The following ZNF184 variants were observed in gnomAD, a reference collection of about 807,000 sequenced individuals.
The protein encoded by ZNF184 is zinc finger protein 184.
A neutral mutation model predicts 54.4 loss-of-function variants in ZNF184; 16 were observed. The observed-to-expected ratio is 0.29, with a 90% CI of 0.20 to 0.45. The LOEUF (loss-of-function observed/expected upper bound fraction) is 0.45, where lower values mean the gene tolerates loss of function less well. Ranked by LOEUF, ZNF184 falls within the 20% of genes least tolerant of loss-of-function variation. ZNF184 has a pLI of 1.00. For missense variants in ZNF184, 681 were observed against 888.2 expected (o/e 0.77, Z 2.97); for synonymous variants, 254 against 295.3 (o/e 0.86, Z 1.43).
At chr6:27,448,275 C>T (rs1762660092), downstream of ZNF184, among the ~76,000 whole-genome samples, 1 of 152,152 alleles carries the variant, frequency 6.6e-6, no homozygotes. Flanking sequence ...GCAAACCTTA[C>T]CTGCTGTACA....
At position 27,453,029 on chromosome 6, in the gene ZNF184, C is replaced by A. The variant is rs1442299251; in HGVS notation, c.530G>T (p.Gly177Val). Residue 177 changes from glycine (G) to valine (V), a missense_variant, in exon 6 of 6, where the codon GGC becomes GTC. Gly to Val is a moderately radical substitution (Grantham distance 109). Transcript: ENST00000683788. The surrounding 1 kb of genome is among the most constrained non-coding windows in gnomAD (Gnocchi z 4.7). ...TEKTIPSWEKGPVNNEFGKSV... is the reference protein window; with the variant it reads ...TEKTIPSWEKVPVNNEFGKSV... ...TTTCCCAAATTCATTATTTACAGGG[C>A]CTTTTTCCCAACTGGGTATTGTCTT... 6.2e-7 allele frequency: 1 copy of A among 1,613,954 alleles called. No individual in the cohort carries two copies. Among genetic ancestry groups the A allele is most frequent in the Non-Finnish European group, 8.5e-7 (1 of 1,180,000 alleles).
the ZNF184 span, among the ~76,000 whole-genome samples, chr6:27,437,485 C>G: frequency 6.6e-6 from 1 of 152,170 alleles, no homozygotes; most frequent in South Asian, 2.1e-4. Context: ...GCAGATTCTT[C>G]TACAGATCCT....
chr6:27,452,705 T>G lies in ZNF184; in HGVS notation c.854A>C (p.Lys285Thr). ...DKPYKCDQCG[K>T]GFIEGPSLTQ... ...AAGAGATGGACCCTCAATGAAGCCT[T>G]TTCCACACTGATCACATTTATATGG... The change falls in exon 6 of 6, where the codon AAA becomes ACA. Residue 285 changes from lysine (K) to threonine (T), a missense_variant. By Grantham distance (78) the Lys-to-Thr change is moderately conservative. Transcript: ENST00000683788. The surrounding 1 kb of genome is among the most constrained non-coding windows in gnomAD (Gnocchi z 5.5). 3 of 1,614,156 alleles carry G rather than the reference T, an allele frequency of 1.9e-6. No homozygotes were observed. Among genetic ancestry groups the G allele is most frequent in the Non-Finnish European group, 2.5e-6 (3 of 1,180,016 alleles).
the ZNF184 span, among the ~76,000 whole-genome samples, chr6:27,424,569 A>G: frequency 6.6e-6 from 1 of 152,300 alleles, no homozygotes; most frequent in South Asian, 2.1e-4. Context: ...AGGTTCTCCA[A>G]GGCCCCACCT....
At chr6:27,450,618 C>T (rs1480109583), downstream of ZNF184, 1 of 151,782 alleles carries the variant, frequency 6.6e-6, no homozygotes, top group Non-Finnish European at 1.5e-5. Context: ...TGTAATTTAA[C>T]ATAACAGCAC....
chr6:27,423,699 C>A, the ZNF184 span, among the ~76,000 whole-genome samples: 1 of 152,016 alleles, frequency 6.6e-6, no homozygotes, highest in African/African-American at 2.4e-5. Flanking sequence ...ATACTTCCAG[C>A]CCTTTTACAA....
the ZNF184 span, among the ~76,000 whole-genome samples, chr6:27,442,858 G>A: frequency 2.8e-4 from 19 of 67,934 alleles, no homozygotes; most frequent in East Asian, 3.2e-4. Context: ...AAGAAAGAAA[G>A]AAAGAAAGAA....
intron 3 of ZNF184, among the ~76,000 whole-genome samples, chr6:27,463,580 C>A (rs1215141508): frequency 6.6e-6 from 1 of 151,992 alleles, no homozygotes; most frequent in Non-Finnish European, 1.5e-5. Flanking sequence ...GAAATAACAG[C>A]TGATTATTTT....
At chr6:27,422,199 A>AGAAAGAAAGAAG in the ZNF184 span, among the ~76,000 whole-genome samples, 3 of 98,050 alleles carry the variant, frequency 3.1e-5, no homozygotes, top group Admixed American at 2.4e-4. Flanking sequence ...AAAGAAAGAA[A>AGAAAGAAAGAAG]GAAAGAAAGA....
intron 5 of ZNF184, among the ~76,000 whole-genome samples, chr6:27,454,095 G>C: frequency 6.6e-6 from 1 of 152,248 alleles, no homozygotes; most frequent in East Asian, 1.9e-4. Context: ...AACCAGGAAA[G>C]TACATAATCA....
At chr6:27,406,061 A>G in the ZNF184 span, 1 of 152,238 alleles carries the variant, frequency 6.6e-6, no homozygotes, top group African/African-American at 2.4e-5. Flanking sequence ...TTAACATAAC[A>G]TCATTAATAA....
chr6:27,433,584 T>C, the ZNF184 span, among the ~76,000 whole-genome samples: 2 of 152,254 alleles, frequency 1.3e-5, no homozygotes, highest in East Asian at 3.9e-4. Context: ...AGTGGAATCA[T>C]ACCATATTTG....
the ZNF184 span, among the ~76,000 whole-genome samples, chr6:27,431,710 A>C: frequency 6.6e-6 from 1 of 152,188 alleles, no homozygotes; most frequent in Non-Finnish European, 1.5e-5. Flanking sequence ...TTCATAGTAG[A>C]GCCAGAATTT....
the ZNF184 span, chr6:27,404,440 T>C: frequency 6.6e-6 from 1 of 152,164 alleles, no homozygotes; most frequent in Non-Finnish European, 1.5e-5. Context: ...ATGCGAAGAT[T>C]GTTCTTAGGA....
the ZNF184 span, among the ~76,000 whole-genome samples, chr6:27,443,105 A>G: frequency 2.0e-5 from 3 of 152,234 alleles, no homozygotes; most frequent in African/African-American, 7.2e-5. Flanking sequence ...AAAATACATT[A>G]CAGACTCTGA....
At chr6:27,422,148 A>AAGAAAGAAAGAAG in the ZNF184 span, among the ~76,000 whole-genome samples, 1 of 43,456 alleles carries the variant, frequency 2.3e-5, no homozygotes, top group African/African-American at 8.5e-5. Context: ...CTCAAAAAAA[A>AAGAAAGAAAGAAG]AAAGAAAGAA....
rs1216393965 is a variant in ZNF184, at chr6:27,453,270, A to G, written c.299-10T>C. On this transcript the variant is annotated splice_polypyrimidine_tract_variant and intron_variant, in intron 5 of 5. Transcript: ENST00000683788. The surrounding 1 kb of genome is among the most constrained non-coding windows in gnomAD (Gnocchi z 4.7). ...AGTCTTGTCTCCCAGTCTAAAAGAA[A>G]AAGAAAATTCCAGTGTTCTCTGAAT... The G allele has an allele frequency of 6.4e-7, 1 of 1,564,974 alleles. No individual in the cohort carries two copies. The highest frequency in any genetic ancestry group is 2.2e-5 in the East Asian group (1 of 44,548).
chr6:27,423,189 G>T, the ZNF184 span, among the ~76,000 whole-genome samples: 2 of 152,200 alleles, frequency 1.3e-5, no homozygotes, highest in Admixed American at 6.5e-5. Context: ...CAATTCCCCA[G>T]AAGTCTTAGG....
intron 4 of ZNF184, 82 bp downstream of exon 4, chr6:27,457,201 T>G (rs1251923186): frequency 2.0e-6 from 3 of 1,527,744 alleles, no homozygotes; most frequent in African/African-American, 1.4e-5. Flanking sequence ...GTTACTAAAC[T>G]TAAAGGCAAA....
Sources: gnomAD v4.1 joint callset for allele counts (sites outside exome capture counted in the v4.1 genomes callset) on GRCh38, gnomAD v4.1.1 for gene constraint, Gnocchi (gnomAD v3.1) non-coding constraint, MANE v1.5 for transcripts, NCBI Gene and HGNC (gene_info 2026-07-23, HGNC 2026-07-21) for gene names.